The following BRINP3 variants were observed in gnomAD, a reference collection of about 807,000 sequenced individuals.
The protein encoded by BRINP3 is BMP/retinoic acid inducible neural specific 3, also known as BMP/retinoic acid-inducible neural-specific protein 3.
A neutral mutation model predicts 71.0 loss-of-function variants in BRINP3; 19 were observed. The ratio of observed to expected loss-of-function variants is 0.27; its 90% CI spans 0.19 to 0.39. The LOEUF is 0.39. Ranked by LOEUF, BRINP3 falls within the 10% of genes least tolerant of loss-of-function variation. The probability of loss-of-function intolerance (pLI) is 1.00; values close to 1 mark genes in which losing one functional copy is unlikely to be tolerated. For missense variants in BRINP3, 959 were observed against 940.8 expected, an observed-to-expected ratio of 1.02 and a Z score of -0.25; for synonymous variants, 380 against 337.7, an observed-to-expected ratio of 1.13 and a Z score of -1.37.
chr1:190,329,246 A>G (rs936346359), intron 2 of BRINP3, among the ~76,000 whole-genome samples: 3 of 152,044 alleles, frequency 2.0e-5, no homozygotes, highest in African/African-American at 7.2e-5. Context: ...CTTTTTGCAG[A>G]CAATGTGATG....
chr1:190,449,684 C>T (rs1675475719), intron 2 of BRINP3, among the ~76,000 whole-genome samples: 1 of 152,044 alleles, frequency 6.6e-6, no homozygotes, highest in South Asian at 2.1e-4. Context: ...TTGATCAGTG[C>T]CTCCAAATCC....
intron 7 of BRINP3, among the ~76,000 whole-genome samples, chr1:190,123,135 C>T (rs895761205): frequency 1.3e-5 from 2 of 152,088 alleles, no homozygotes; most frequent in South Asian, 2.1e-4. Context: ...TCGCCCCCCT[C>T]GAGGAGGGGA....
At chr1:190,156,163 G>A (rs1028596384) in intron 7 of BRINP3, among the ~76,000 whole-genome samples, 6 of 152,088 alleles carry the variant, frequency 3.9e-5, no homozygotes, top group South Asian at 4.1e-4. Flanking sequence ...TAATCTGAAT[G>A]TCAAGCTTTA....
chr1:190,262,436 C>G (rs1428135690), intron 4 of BRINP3, among the ~76,000 whole-genome samples: 2 of 152,152 alleles, frequency 1.3e-5, no homozygotes, highest in African/African-American at 4.8e-5. Context: ...TATGTTGTTA[C>G]CAGCTGGTGC....
At chr1:190,112,973 C>T (rs1652815634) in intron 7 of BRINP3, among the ~76,000 whole-genome samples, 1 of 152,046 alleles carries the variant, frequency 6.6e-6, no homozygotes, top group African/African-American at 2.4e-5. Flanking sequence ...ATGGTACAAA[C>T]TTTCAGCTAT....
At chr1:190,263,851 G>T (rs1661415778) in intron 4 of BRINP3, among the ~76,000 whole-genome samples, 1 of 152,116 alleles carries the variant, frequency 6.6e-6, no homozygotes, top group African/African-American at 2.4e-5. Context: ...GCCTCCCAAA[G>T]TGCTGGGATA....
At chr1:190,293,686 AT>A (rs1242277641) in intron 2 of BRINP3, among the ~76,000 whole-genome samples, 2 of 152,118 alleles carry the variant, frequency 1.3e-5, no homozygotes, top group South Asian at 2.1e-4. Context: ...TTTGCTTTAC[AT>A]ATTTGGGTGT....
intron 4 of BRINP3, among the ~76,000 whole-genome samples, chr1:190,247,740 A>T (rs1659741774): frequency 6.6e-6 from 1 of 151,928 alleles, no homozygotes. Context: ...GAGTGAAAGC[A>T]TGTAGTATTT....
chr1:190,181,264 T>C lies in BRINP3; in HGVS notation c.962-20374A>G, dbSNP rs552714867. Among the ~76,000 whole-genome samples the C allele has an allele frequency of 3.9e-5, 6 of 152,202 alleles. No individual in the cohort carries two copies. In the South Asian group the frequency reaches 1.0e-3, roughly 26 times the overall value. On this transcript the variant is annotated intron_variant, in intron 6 of 7. Coordinates refer to ENST00000367462, the MANE Select transcript of BRINP3 (RefSeq NM_199051.3). The stretch of plus-strand genomic sequence containing the variant: ...ACATTCAAAATGTTCATTCTTGTTA[T>C]TGATGAATATAAATTTATGGTATGT...
chr1:190,165,443 G>GGTTTTTTTTTTTT (rs1651415035), intron 6 of BRINP3, among the ~76,000 whole-genome samples: 1 of 46,622 alleles, frequency 2.1e-5, no homozygotes. Flanking sequence ...TTCATTGGCT[G>GGTTTTTTTTTTTT]TTTTTTTTTT....
chr1:190,381,293 A>G (rs1295280114), intron 2 of BRINP3, among the ~76,000 whole-genome samples: 1 of 152,138 alleles, frequency 6.6e-6, no homozygotes, highest in Admixed American at 6.6e-5. Flanking sequence ...ACAAAACGAA[A>G]CAAAACAAAA....
chr1:190,143,714 C>T (rs1655649185), intron 7 of BRINP3, among the ~76,000 whole-genome samples: 1 of 152,128 alleles, frequency 6.6e-6, no homozygotes, highest in Non-Finnish European at 1.5e-5. Flanking sequence ...TCTTACACTG[C>T]TATGTTCTGG....
rs139428067 is a variant in BRINP3, at chr1:190,132,182, A to G, written c.1184+28486T>C. The stretch of plus-strand genomic sequence containing the variant: ...AATGTTCATGATTCTGTAGATTTGC[A>G]TATCATACTCTTCTGCCTATAGCCT... On this transcript the variant is annotated intron_variant, in intron 7 of 7. Coordinates refer to ENST00000367462, the MANE Select transcript of BRINP3 (RefSeq NM_199051.3). Among the ~76,000 whole-genome samples the G allele has an allele frequency of 5.6e-3, 845 of 152,160 alleles. 10 individuals carry two copies. Among genetic ancestry groups the G allele is most frequent in the African/African-American group, 0.019 (786 of 41,536 alleles).
At chr1:190,121,954 G>A (rs12095983) in intron 7 of BRINP3, among the ~76,000 whole-genome samples, 1,702 of 152,276 alleles carry the variant, frequency 0.011, 30 homozygotes, top group African/African-American at 0.038. Context: ...CTTGTAGAAT[G>A]AATGTAATGT....
chr1:190,308,223 AACG>A (rs1221491041), intron 2 of BRINP3, among the ~76,000 whole-genome samples: 2 of 150,196 alleles, frequency 1.3e-5, no homozygotes, highest in African/African-American at 5.0e-5. Flanking sequence ...AATTATATTT[AACG>A]GCAACCTAAA....
intron 6 of BRINP3, among the ~76,000 whole-genome samples, chr1:190,166,834 G>A (rs1651587994): frequency 6.6e-6 from 1 of 151,720 alleles, no homozygotes; most frequent in African/African-American, 2.4e-5. Flanking sequence ...AGCGACTCTC[G>A]TCCCTCAGCC....
chr1:190,149,889 T>C (rs1156259102), intron 7 of BRINP3, among the ~76,000 whole-genome samples: 4 of 152,140 alleles, frequency 2.6e-5, no homozygotes, highest in Non-Finnish European at 5.9e-5. Flanking sequence ...TCTTGAGTGT[T>C]CTTTTGTCAC....
chr1:190,295,865 C>T (rs1305246490), intron 2 of BRINP3, among the ~76,000 whole-genome samples: 2 of 152,108 alleles, frequency 1.3e-5, no homozygotes, highest in African/African-American at 4.8e-5. Context: ...TTTCTAAAGT[C>T]TTCAATTCCC....
intron 6 of BRINP3, among the ~76,000 whole-genome samples, chr1:190,200,273 G>A (rs995640645): frequency 2.9e-4 from 44 of 152,170 alleles, no homozygotes; most frequent in Admixed American, 1.1e-3. Flanking sequence ...TGTGAATTAT[G>A]CCAAAGTCTA....
Sources: gnomAD v4.1 joint callset for allele counts (sites outside exome capture counted in the v4.1 genomes callset) on GRCh38, gnomAD v4.1.1 for gene constraint, MANE v1.5 for transcripts, NCBI Gene and HGNC (gene_info 2026-07-23, HGNC 2026-07-21) for gene names.